The following TAF3 variants were observed in gnomAD, a reference collection of about 807,000 sequenced individuals.
TAF3 encodes transcription initiation factor TFIID subunit 3.
Under a neutral mutation model 80.6 loss-of-function variants are expected in TAF3, and 7 were observed. The observed-to-expected ratio is 0.09, with a 90% CI of 0.05 to 0.16. The LOEUF (loss-of-function observed/expected upper bound fraction) is 0.16, where lower values mean the gene tolerates loss of function less well. TAF3 is among the 10% of genes least tolerant of loss of function. TAF3 has a pLI of 1.00. For missense variants in TAF3, 921 were observed against 1,140.2 expected, an observed-to-expected ratio of 0.81 and a Z score of 2.77; for synonymous variants, 444 against 446.1, an observed-to-expected ratio of 1.00 and a Z score of 0.06.
At chr10:7,916,866 A>G (rs1315896500) in intron 2 of TAF3, among the ~76,000 whole-genome samples, 2 of 152,226 alleles carry the variant, frequency 1.3e-5, no homozygotes, top group African/African-American at 2.4e-5. Flanking sequence ...ATCTTAATAC[A>G]TAATAATTTT....
intron 3 of TAF3, among the ~76,000 whole-genome samples, 190 bp from the exon 4 acceptor site, chr10:7,977,051 A>G (rs1307856653): frequency 6.6e-6 from 1 of 152,250 alleles, no homozygotes; most frequent in Non-Finnish European, 1.5e-5. Context: ...TAAAGTTTGC[A>G]GAATTTCTCA....
chr10:7,970,298 A>G (rs1051358183), intron 3 of TAF3, among the ~76,000 whole-genome samples: 2 of 152,230 alleles, frequency 1.3e-5, no homozygotes, highest in Admixed American at 6.5e-5. Flanking sequence ...GTTAGCATCT[A>G]CCACCTCTTG....
intron 2 of TAF3, among the ~76,000 whole-genome samples, chr10:7,894,337 G>T (rs1298481200): frequency 2.0e-5 from 3 of 152,170 alleles, no homozygotes; most frequent in African/African-American, 7.2e-5. Context: ...ACCACCTAAG[G>T]TAGACAAGTA....
At chr10:7,989,098 T>A (rs768668124) in intron 4 of TAF3, among the ~76,000 whole-genome samples, 5 of 152,218 alleles carry the variant, frequency 3.3e-5, no homozygotes, top group Non-Finnish European at 7.3e-5. Flanking sequence ...GCATGTGATC[T>A]ACCAAGATTT....
intron 2 of TAF3, among the ~76,000 whole-genome samples, chr10:7,902,713 A>G (rs1299295996): frequency 6.6e-6 from 1 of 152,142 alleles, no homozygotes; most frequent in African/African-American, 2.4e-5. Context: ...AGGCTGAGTG[A>G]TACTGTGAGA....
At chr10:7,983,516 T>C (rs1327146008) in intron 4 of TAF3, among the ~76,000 whole-genome samples, 3 of 152,154 alleles carry the variant, frequency 2.0e-5, no homozygotes, top group Non-Finnish European at 4.4e-5. Flanking sequence ...GCCTTTTGCT[T>C]TTCTGTTTTT....
At chr10:7,855,148 C>A (rs962170117) in intron 2 of TAF3, among the ~76,000 whole-genome samples, 3 of 152,170 alleles carry the variant, frequency 2.0e-5, no homozygotes, top group Non-Finnish European at 2.9e-5. Flanking sequence ...AACTGAATCC[C>A]AAGCCAGCAA....
In TAF3 at chr10:7,818,637, G is replaced by A; in HGVS notation, c.-73G>A. ...CGGAAGCCCTAGAGGATGAATCGGG[G>A]ACCCTGCTAAGGTCTGGCGGCGGGG... On this transcript the variant is annotated 5_prime_UTR_variant, in exon 1 of 7. Transcript: ENST00000344293. 1 of 1,510,078 alleles carries A rather than the reference G, an allele frequency of 6.6e-7. No homozygotes were observed. The highest frequency in any genetic ancestry group is 1.2e-5 in the South Asian group (1 of 80,968). The allele number at this position is 1,510,078 out of a possible 1,614,324, so 93.5% of individuals were successfully genotyped here.
intron 4 of TAF3, among the ~76,000 whole-genome samples, chr10:7,990,535 T>G (rs1588578941): frequency 6.6e-6 from 1 of 152,234 alleles, no homozygotes; most frequent in African/African-American, 2.4e-5. Context: ...TTTTTCTGTA[T>G]GCATGCATAC....
intron 2 of TAF3, among the ~76,000 whole-genome samples, chr10:7,842,153 T>TTTTTTTGTTTG (rs1836922202): frequency 8.7e-6 from 1 of 115,120 alleles, no homozygotes; most frequent in Admixed American, 9.3e-5. Context: ...TTAATATTGT[T>TTTTTTTGTTTG]TTTTTTTTTT....
rs1052289421 is a variant in TAF3 at position 7,964,663 on chromosome 10, A to G, written c.1153A>G (p.Lys385Glu). The change falls in exon 3 of 7, where the codon AAA becomes GAA. Residue 385 changes from lysine (K) to glutamate (E), a missense_variant. Transcript: ENST00000344293. This position sits in a 1 kb window ranked among gnomAD's most constrained non-coding sequence, Gnocchi z 4.1. ...GCCGAAAAAGGCTGTGGTAGCAGATAAAACGATTGAGGCCTCTATCGATGC... is the reference window on the plus strand; with the variant it reads ...GCCGAAAAAGGCTGTGGTAGCAGATGAAACGATTGAGGCCTCTATCGATGC... ...NQPKKAVVAD[K>E]TIEASIDAVI... 1.9e-6 allele frequency: 3 copies of G among 1,614,220 alleles called. No homozygotes were observed. The highest frequency in any genetic ancestry group is 1.7e-6 in the Non-Finnish European group (2 of 1,180,038).
chr10:7,824,041 GTAA>G, intron 1 of TAF3, among the ~76,000 whole-genome samples: 1 of 151,826 alleles, frequency 6.6e-6, no homozygotes, highest in East Asian at 1.9e-4. Context: ...TTGATCATCT[GTAA>G]ACTACTTTGA....
chr10:7,859,707 T>C (rs767675013), intron 2 of TAF3, among the ~76,000 whole-genome samples: 1 of 152,186 alleles, frequency 6.6e-6, no homozygotes, highest in Non-Finnish European at 1.5e-5. Flanking sequence ...TGCACTTTAT[T>C]TTACTCATTT....
At chr10:7,821,465 T>A (rs1836689991) in intron 1 of TAF3, among the ~76,000 whole-genome samples, 1 of 152,212 alleles carries the variant, frequency 6.6e-6, no homozygotes, top group African/African-American at 2.4e-5. Context: ...CCATAAGGTG[T>A]GTTCAAGAGT....
rs183428617 is a variant in TAF3, at chr10:7,898,107, T to C, written c.410-65813T>C. ...TTGATTTTATCTATCAACCCTTCTG[T>C]ATCAACTGGTATGCTTTCAACTCCA... is the stretch of plus-strand genomic sequence containing the variant. On this transcript the variant is annotated intron_variant, in intron 2 of 6. Coordinates refer to ENST00000344293, the MANE Select transcript of TAF3 (RefSeq NM_031923.4). Among the ~76,000 whole-genome samples the C allele has an allele frequency of 1.4e-4, 22 of 152,358 alleles. 1 individual carries two copies. The East Asian group carries it at 4.0e-3, about 28-fold the overall frequency.
intron 2 of TAF3, among the ~76,000 whole-genome samples, chr10:7,930,955 T>A (rs1837862927): frequency 6.6e-6 from 1 of 152,200 alleles, no homozygotes; most frequent in African/African-American, 2.4e-5. Context: ...TTTCCAGAAT[T>A]GTTTCTACCA....
intron 2 of TAF3, among the ~76,000 whole-genome samples, chr10:7,887,431 G>C (rs1356031357): frequency 2.0e-5 from 3 of 152,068 alleles, no homozygotes; most frequent in African/African-American, 7.2e-5. Flanking sequence ...GTCAAGAAAG[G>C]CTTTATCCTT....
Position 7,890,518 on chromosome 10 carries a change from G to A in TAF3, c.409+65958G>A, listed in dbSNP as rs1025229393. ...AAGATTCATATTACGAAAACTTTAT[G>A]CATTTTGTTTTAAGATGTATAAATA... On this transcript the variant is annotated intron_variant, in intron 2 of 6. Transcript: ENST00000344293. 1.1e-4 allele frequency among the ~76,000 whole-genome samples: 16 copies of A among 152,288 alleles called. No individual in the cohort carries two copies. In the South Asian group the frequency reaches 3.3e-3, roughly 32 times the overall value.
At chr10:7,998,245 A>G (rs1831907926) in intron 4 of TAF3, among the ~76,000 whole-genome samples, 1 of 79,994 alleles carries the variant, frequency 1.3e-5, no homozygotes. Flanking sequence ...TGAGAACTAT[A>G]TATATATATA....
Sources: allele counts gnomAD v4.1 joint callset (sites outside exome capture counted in the v4.1 genomes callset), GRCh38; gene constraint gnomAD v4.1.1; non-coding constraint Gnocchi (gnomAD v3.1); transcripts MANE v1.5; gene names NCBI Gene and HGNC (gene_info 2026-07-23, HGNC 2026-07-21).